Variants in SLC60A1 observed in about 807,000 individuals in gnomAD.
The protein encoded by SLC60A1 is solute carrier family 60 member 1.
the SLC60A1 span, among the ~76,000 whole-genome samples, chr1:205,573,248 T>TAA: frequency 6.7e-6 from 1 of 149,716 alleles, no homozygotes; most frequent in Non-Finnish European, 1.5e-5. Context: ...CCATCTCTAC[T>TAA]AAAAAAAAAA....
the SLC60A1 span, chr1:205,597,659 G>C: frequency 1.0e-6 from 1 of 958,500 alleles, no homozygotes; most frequent in Non-Finnish European, 1.7e-6. Context: ...GACTCCTAAA[G>C]TACTGGGATG....
At chr1:205,576,982 T>C in the SLC60A1 span, among the ~76,000 whole-genome samples, 4 of 152,140 alleles carry the variant, frequency 2.6e-5, no homozygotes, top group African/African-American at 9.7e-5. Context: ...TTTTCTCTCT[T>C]TATCCCTCCC....
the SLC60A1 span, among the ~76,000 whole-genome samples, chr1:205,581,182 C>G: frequency 6.6e-6 from 1 of 152,204 alleles, no homozygotes. This position sits in a 1 kb window ranked among gnomAD's most constrained non-coding sequence, Gnocchi z 4.2. Flanking sequence ...GGTCAACTTT[C>G]GAATTATCTG....
the SLC60A1 span, chr1:205,580,878 G>T: frequency 6.2e-7 from 1 of 1,614,042 alleles, no homozygotes. This position sits in a 1 kb window ranked among gnomAD's most constrained non-coding sequence, Gnocchi z 5.0. Flanking sequence ...GACGGGGCAG[G>T]GACCCGAGTG....
the SLC60A1 span, chr1:205,597,984 T>C: frequency 1.1e-6 from 1 of 889,974 alleles, no homozygotes; most frequent in South Asian, 1.5e-5. Context: ...CAGGGCCCCC[T>C]GTGCCGTTGT....
At chr1:205,571,756 C>T in the SLC60A1 span, among the ~76,000 whole-genome samples, 1 of 152,160 alleles carries the variant, frequency 6.6e-6, no homozygotes, top group Non-Finnish European at 1.5e-5. Flanking sequence ...AAGCTGGATT[C>T]TGTGGGACCA....
the SLC60A1 span, chr1:205,600,192 A>G: frequency 1.9e-6 from 1 of 515,742 alleles, no homozygotes; most frequent in East Asian, 3.1e-5. Flanking sequence ...TTCATGGGAG[A>G]CAGACACATT....
At chr1:205,586,327 A>T in the SLC60A1 span, 3 of 1,215,918 alleles carry the variant, frequency 2.5e-6, no homozygotes, top group Non-Finnish European at 2.3e-6. Context: ...GGAACTCAGG[A>T]GTAGAGGGAA....
the SLC60A1 span, among the ~76,000 whole-genome samples, chr1:205,587,851 G>C: frequency 1.3e-5 from 2 of 152,196 alleles, no homozygotes; most frequent in African/African-American, 4.8e-5. Context: ...TGGCTTCCCT[G>C]TCTAGGTCAG....
At chr1:205,591,503 G>A in the SLC60A1 span, among the ~76,000 whole-genome samples, 380 of 66,612 alleles carry the variant, frequency 5.7e-3, 12 homozygotes, top group Middle Eastern at 0.019. Flanking sequence ...AAAAAAAAAA[G>A]GAAAGAAAAG....
At chr1:205,577,922 C>G in the SLC60A1 span, among the ~76,000 whole-genome samples, 1 of 152,200 alleles carries the variant, frequency 6.6e-6, no homozygotes, top group African/African-American at 2.4e-5. The surrounding 1 kb of genome is among the most constrained non-coding windows in gnomAD (Gnocchi z 5.2). Flanking sequence ...TCATATGAAC[C>G]AAGTGACAAA....
chr1:205,585,598 T>TACTGGTTGACTTCCAGC, the SLC60A1 span, among the ~76,000 whole-genome samples: 2 of 152,166 alleles, frequency 1.3e-5, no homozygotes, highest in Non-Finnish European at 2.9e-5. This position sits in a 1 kb window ranked among gnomAD's most constrained non-coding sequence, Gnocchi z 4.2. Flanking sequence ...CTCGTGACAG[T>TACTGGTTGACTTCCAGC]ACTGGTTGAC....
At chr1:205,569,686 G>C in the SLC60A1 span, among the ~76,000 whole-genome samples, 1 of 152,042 alleles carries the variant, frequency 6.6e-6, no homozygotes, top group Non-Finnish European at 1.5e-5. Flanking sequence ...AGCTCCTCTG[G>C]GGTTTGTCAG....
At chr1:205,580,602 A>C in the SLC60A1 span, 27 of 1,582,630 alleles carry the variant, frequency 1.7e-5, no homozygotes, top group Non-Finnish European at 2.3e-5. The surrounding 1 kb of genome is among the most constrained non-coding windows in gnomAD (Gnocchi z 5.0). Flanking sequence ...CCAGGCCACC[A>C]CTTCCCCGGG....
At chr1:205,582,913 C>A in the SLC60A1 span, among the ~76,000 whole-genome samples, 1 of 152,200 alleles carries the variant, frequency 6.6e-6, no homozygotes, top group Non-Finnish European at 1.5e-5. Context: ...AGGGCTCCCC[C>A]AGAACACCAC....
At chr1:205,589,493 C>CT in the SLC60A1 span, among the ~76,000 whole-genome samples, 2 of 152,130 alleles carry the variant, frequency 1.3e-5, no homozygotes, top group Admixed American at 6.5e-5. Context: ...TTTCTTTTTT[C>CT]TTTTTATTTT....
the SLC60A1 span, chr1:205,579,876 T>C: frequency 6.2e-7 from 1 of 1,614,142 alleles, no homozygotes. Context: ...GGCTTGGCCA[T>C]GGGCTGCATC....
the SLC60A1 span, chr1:205,580,638 C>CCCCCCCCCCCCCCT: frequency 1.9e-6 from 3 of 1,585,752 alleles, no homozygotes; most frequent in Non-Finnish European, 2.6e-6. The surrounding 1 kb of genome is among the most constrained non-coding windows in gnomAD (Gnocchi z 5.0). Flanking sequence ...CACCCCCACC[C>CCCCCCCCCCCCCCT]GCCACCTCTC....
At chr1:205,585,078 A>G in the SLC60A1 span, 923 of 1,165,838 alleles carry the variant, frequency 7.9e-4, 4 homozygotes, top group African/African-American at 0.011. The surrounding 1 kb of genome is among the most constrained non-coding windows in gnomAD (Gnocchi z 4.2). Flanking sequence ...AGAGAGGAGC[A>G]TGAAGGTTTC....
Sources: allele counts gnomAD v4.1 joint callset (sites outside exome capture counted in the v4.1 genomes callset), GRCh38; gene constraint gnomAD v4.1.1; non-coding constraint Gnocchi (gnomAD v3.1); transcripts MANE v1.5; gene names NCBI Gene and HGNC (gene_info 2026-07-23, HGNC 2026-07-21).